USH1G: variants seen among roughly 807,000 people sequenced by gnomAD.
The protein encoded by USH1G is pre-mRNA splicing regulator USH1G.
A neutral mutation model predicts 31.9 loss-of-function variants in USH1G; 27 were observed. The observed-to-expected ratio is 0.85, with a 90% CI of 0.62 to 1.17. The LOEUF (loss-of-function observed/expected upper bound fraction) is 1.17, where lower values mean the gene tolerates loss of function less well. USH1G is among the 50% of genes most tolerant of loss of function. The probability of loss-of-function intolerance (pLI) is 0.00; values close to 1 mark genes in which losing one functional copy is unlikely to be tolerated. For synonymous variants in USH1G, 266 were observed against 283.2 expected (o/e 0.94, Z 0.61); for missense variants, 674 against 638.9 (o/e 1.05, Z -0.59).
In USH1G at chr17:74,923,172, G is replaced by T; in HGVS notation, c.-99C>A. 1.7e-6 allele frequency: 2 copies of T among 1,196,598 alleles called. No individual in the cohort carries two copies. The highest frequency in any genetic ancestry group is 2.2e-6 in the Non-Finnish European group (2 of 904,520). 74.1% of individuals were successfully genotyped at this position (1,196,598 alleles called of 1,614,324 possible). A position where few individuals can be genotyped will look rare whatever the true frequency, so the allele number is the denominator to read the frequency against. On this transcript the variant is annotated 5_prime_UTR_variant, in exon 1 of 3. Transcript: ENST00000614341. The surrounding 1 kb of genome is among the most constrained non-coding windows in gnomAD (Gnocchi z 5.3). The stretch of plus-strand genomic sequence containing the variant: ...GCTGAGGCATGAGGTTGGAGGACGG[G>T]GCCGGGCAGGGGCCGGGGCCGCCAG...
At position 74,919,012 on chromosome 17, in the gene USH1G, C is replaced by T. The variant is rs765544740; in HGVS notation, c.1382+442G>A. On this transcript the variant is annotated intron_variant, in intron 2 of 2. Coordinates refer to ENST00000614341, the MANE Select transcript of USH1G (RefSeq NM_173477.5). The surrounding 1 kb of genome is among the most constrained non-coding windows in gnomAD (Gnocchi z 4.5). ...GTCTGAGCCTCCACTTGCTCATTGG[C>T]TGTAAAATGGGAACGATATAATCCA... 6.6e-6 allele frequency among the ~76,000 whole-genome samples: 1 copy of T among 152,138 alleles called. No homozygotes were observed. The highest frequency in any genetic ancestry group is 1.5e-5 in the Non-Finnish European group (1 of 68,026).
chr17:74,919,776 C>G lies in USH1G; in HGVS notation c.1060G>C (p.Asp354His), dbSNP rs1316299165. The change falls in exon 2 of 3, where the codon GAT becomes CAT. Residue 354 changes from aspartate (D) to histidine (H), a missense_variant. Asp to His is a moderately conservative substitution (Grantham distance 81, BLOSUM62 -1). Coordinates refer to ENST00000614341, the MANE Select transcript of USH1G (RefSeq NM_173477.5). The surrounding 1 kb of genome is among the most constrained non-coding windows in gnomAD (Gnocchi z 4.5). The stretch of plus-strand genomic sequence containing the variant: ...CTGTTGGCACTGCCCAGGCTGTCAT[C>G]GTCCAGGCTGGGGGAGCTCTGCAGC... Reference protein sequence around the residue: ...GRLQSSPSLDDDSLGSANSLQ... With the variant: ...GRLQSSPSLDHDSLGSANSLQ... 5 of 1,612,902 alleles carry G rather than the reference C, an allele frequency of 3.1e-6. No homozygotes were observed. Among genetic ancestry groups the G allele is most frequent in the Non-Finnish European group, 4.2e-6 (5 of 1,179,978 alleles).
chr17:74,920,405 T>G lies in USH1G; in HGVS notation c.431A>C (p.Glu144Ala). The G allele has an allele frequency of 6.2e-7, 1 of 1,613,374 alleles. No individual in the cohort carries two copies. Among genetic ancestry groups the G allele is most frequent in the Non-Finnish European group, 8.5e-7 (1 of 1,180,034 alleles). ...CTTGGCGCACTCGCGGATGCGCCGC[T>G]CCGCCTCGCGGAAGGCCTTGTCCTT... ...KLKDKAFREA[E>A]RRIRECAKLQ... Residue 144 changes from glutamate (E) to alanine (A), a missense_variant, in exon 2 of 3, where the codon GAG (glutamate) becomes GCG (alanine). Transcript: ENST00000614341. This position sits in a 1 kb window ranked among gnomAD's most constrained non-coding sequence, Gnocchi z 5.2.
chr17:74,919,804 A>G lies in USH1G; in HGVS notation c.1032T>C (p.Gly344=). 1 of 1,612,402 alleles carries G rather than the reference A, an allele frequency of 6.2e-7. No individual in the cohort carries two copies. Among genetic ancestry groups the G allele is most frequent in the East Asian group, 2.2e-5 (1 of 44,844 alleles). The change falls in exon 2 of 3, where the codon GGT becomes GGC. Residue 344 remains glycine (G), a synonymous_variant. Coordinates refer to ENST00000614341, the MANE Select transcript of USH1G (RefSeq NM_173477.5). The surrounding 1 kb of genome is among the most constrained non-coding windows in gnomAD (Gnocchi z 4.5). The stretch of plus-strand genomic sequence containing the variant: ...CCAGGCTGGGGGAGCTCTGCAGCCG[A>G]CCCCGCGGCGCTCCCACCCCATCCA... ...GGLDGVGAPR[G]RLQSSPSLDD...
In USH1G at chr17:74,920,571, C is replaced by G. The variant is rs1221545953; in HGVS notation, c.265G>C (p.Ala89Pro). ...HCLSFLVSFGANIWCLDNDYH... is the reference protein window; with the variant it reads ...HCLSFLVSFGPNIWCLDNDYH... ...TCGTTGTCTAGGCACCAGATGTTGG[C>G]TCCGAAGGACACCAGGAAGGACAGG... The change falls in exon 2 of 3, where the codon GCC becomes CCC. Residue 89 changes from alanine (A) to proline (P), a missense_variant. Transcript: ENST00000614341. The surrounding 1 kb of genome is among the most constrained non-coding windows in gnomAD (Gnocchi z 5.2). The G allele has an allele frequency of 6.2e-7, 1 of 1,613,822 alleles. No homozygotes were observed. The highest frequency in any genetic ancestry group is 8.5e-7 in the Non-Finnish European group (1 of 1,180,026).
In USH1G at chr17:74,918,014, C is replaced by T; in HGVS notation, c.*59G>A. On this transcript the variant is annotated 3_prime_UTR_variant, in exon 3 of 3. Coordinates refer to ENST00000614341, the MANE Select transcript of USH1G (RefSeq NM_173477.5). This position sits in a 1 kb window ranked among gnomAD's most constrained non-coding sequence, Gnocchi z 4.1. ...GCTGGCAACTGTGAGGACCTCGAGACCCCACCATAGGTTGTGGCAACTTGC... is the reference window on the plus strand; with the variant it reads ...GCTGGCAACTGTGAGGACCTCGAGATCCCACCATAGGTTGTGGCAACTTGC... The T allele has an allele frequency of 6.2e-7, 1 of 1,612,640 alleles. No homozygotes were observed. Among genetic ancestry groups the T allele is most frequent in the Non-Finnish European group, 8.5e-7 (1 of 1,178,960 alleles).
intron 1 of USH1G, among the ~76,000 whole-genome samples, chr17:74,922,050 C>T (rs2038949377): frequency 6.6e-6 from 1 of 152,222 alleles, no homozygotes; most frequent in South Asian, 2.1e-4. Context: ...CCTGGGGTGT[C>T]CTGTCCAGGC....
At position 74,918,460 on chromosome 17, in the gene USH1G, G is replaced by A. The variant is rs1310571875; in HGVS notation, c.1383-384C>T. The stretch of plus-strand genomic sequence containing the variant: ...CATGAACTCTGCCTCCAGGGCTGCT[G>A]CTGACCCTCTTGGGAGCATTTGCCC... On this transcript the variant is annotated intron_variant, in intron 2 of 2. Coordinates refer to ENST00000614341, the MANE Select transcript of USH1G (RefSeq NM_173477.5). The surrounding 1 kb of genome is among the most constrained non-coding windows in gnomAD (Gnocchi z 4.1). Among the ~76,000 whole-genome samples the A allele has an allele frequency of 6.6e-6, 1 of 152,212 alleles. No individual in the cohort carries two copies. The highest frequency in any genetic ancestry group is 1.5e-5 in the Non-Finnish European group (1 of 68,026).
At position 74,919,395 on chromosome 17, in the gene USH1G, C is replaced by T. The variant is rs1402756088; in HGVS notation, c.1382+59G>A. ...TCCTGAATAGGCAGATCTGTACCCC[C>T]TCCCCAGGGGCCTTCCAACTCCTGC... On this transcript the variant is annotated intron_variant, in intron 2 of 2. Coordinates refer to ENST00000614341, the MANE Select transcript of USH1G (RefSeq NM_173477.5). This position sits in a 1 kb window ranked among gnomAD's most constrained non-coding sequence, Gnocchi z 4.5. 1.4e-5 allele frequency: 22 copies of T among 1,538,766 alleles called. No homozygotes were observed. Among genetic ancestry groups the T allele is most frequent in the Non-Finnish European group, 1.8e-5 (21 of 1,145,908 alleles).
At position 74,917,435 on chromosome 17, in the gene USH1G, AGTACCCCCACCCCACCCCAACCC is replaced by A. The variant is rs1305343161; in HGVS notation, c.*615_*637del. On this transcript the variant is annotated 3_prime_UTR_variant, in exon 3 of 3. Transcript: ENST00000614341. ...CCCTGGATGAGCTGGGAAGGGCGTCAGTACCCCCACCCCACCCCAACCCGGCTTTCCAGCTCCGGGCCTTGACC... is the reference window on the plus strand; with the variant it reads ...CCCTGGATGAGCTGGGAAGGGCGTCAGGCTTTCCAGCTCCGGGCCTTGACC... 6.5e-6 allele frequency: 1 copy of A among 154,706 alleles called. No individual in the cohort carries two copies. The highest frequency in any genetic ancestry group is 1.4e-5 in the Non-Finnish European group (1 of 69,520). The allele number at this position is 154,706 out of a possible 1,614,324, so 9.6% of individuals were successfully genotyped here.
Position 74,919,611 on chromosome 17 carries a change from G to A in USH1G, c.1225C>T (p.Arg409Trp), listed in dbSNP as rs117489945. ...LHMEDFAALL[R>W]QEKIDLEALM... ...GCCTCGAGGTCGATCTTCTCCTGCC[G>A]CAGGAGGGCGGCAAAGTCCTCCATG... The change falls in exon 2 of 3, where the codon CGG becomes TGG. Residue 409 changes from arginine (R) to tryptophan (W), a missense_variant. Physicochemically the swap from Arg to Trp is moderately radical, Grantham distance 101. Transcript: ENST00000614341. The surrounding 1 kb of genome is among the most constrained non-coding windows in gnomAD (Gnocchi z 4.5). 3.7e-6 allele frequency: 6 copies of A among 1,612,798 alleles called. No homozygotes were observed. The South Asian group carries it at 6.6e-5, about 18-fold the overall frequency.
Position 74,922,985 on chromosome 17 carries a change from T to G in USH1G, c.89A>C (p.Glu30Ala). The change falls in exon 1 of 3, where the codon GAG (glutamate) becomes GCG (alanine). Residue 30 changes from glutamate to alanine, a missense_variant. Coordinates refer to ENST00000614341, the MANE Select transcript of USH1G (RefSeq NM_173477.5). The stretch of plus-strand genomic sequence containing the variant: ...CCAGAGAGTGGGGGTCATGCCATCC[T>G]CGTCGGGGGCATTCAGCTCCTTTCG... ...ATRKELNAPD[E>A]DGMTPTLWAA... The G allele has an allele frequency of 3.2e-6, 5 of 1,562,316 alleles. No individual in the cohort carries two copies. Among genetic ancestry groups the G allele is most frequent in the Non-Finnish European group, 3.5e-6 (4 of 1,151,738 alleles).
rs989804696 is a variant in USH1G at position 74,919,523 on chromosome 17, T to A, written c.1313A>T (p.Lys438Met). The A allele has an allele frequency of 6.2e-6, 10 of 1,611,692 alleles. No individual in the cohort carries two copies. Among genetic ancestry groups the A allele is most frequent in the Admixed American group, 5.0e-5 (3 of 59,996 alleles). ...SISVPLGPRK[K>M]ILGAVRRRRQ... ...CCGCCTCCTCACGGCCCCCAAGATC[T>A]TCTTTCGGGGCCCCAGTGGGACGCT... Residue 438 changes from lysine to methionine, a missense_variant, in exon 2 of 3, where the codon AAG becomes ATG. Physicochemically the swap from Lys to Met is moderately conservative, Grantham distance 95. Transcript: ENST00000614341. The surrounding 1 kb of genome is among the most constrained non-coding windows in gnomAD (Gnocchi z 4.5).
rs1024985658 is a variant in USH1G at position 74,918,497 on chromosome 17, T to G, written c.1383-421A>C. Among the ~76,000 whole-genome samples, 2 of 152,100 alleles carry G rather than the reference T, an allele frequency of 1.3e-5. No individual in the cohort carries two copies. Among genetic ancestry groups the G allele is most frequent in the Non-Finnish European group, 2.9e-5 (2 of 68,020 alleles). On this transcript the variant is annotated intron_variant, in intron 2 of 2. Transcript: ENST00000614341. The surrounding 1 kb of genome is among the most constrained non-coding windows in gnomAD (Gnocchi z 4.1). ...GGGAGCATTTGCCCACGTTCCTGAT[T>G]GCAAAGTTCAGGAACAGTAGGTAAA...
Position 74,920,447 on chromosome 17 carries a change from T to G in USH1G, c.389A>C (p.Lys130Thr), listed in dbSNP as rs140951373. Reference protein sequence around the residue: ...IAAKQSSLNPKLVGKLKDKAF... With the variant: ...IAAKQSSLNPTLVGKLKDKAF... ...CTTGTCCTTCAGCTTACCCACCAGC[T>G]TGGGGTTGAGGCTGCTCTGCTTGGC... is the stretch of plus-strand genomic sequence containing the variant. The change falls in exon 2 of 3, where the codon AAG (lysine) becomes ACG (threonine). Residue 130 changes from lysine to threonine, a missense_variant. By Grantham distance (78) the Lys-to-Thr change is moderately conservative (BLOSUM62 -1). Coordinates refer to ENST00000614341, the MANE Select transcript of USH1G (RefSeq NM_173477.5). The surrounding 1 kb of genome is among the most constrained non-coding windows in gnomAD (Gnocchi z 5.2). 15 of 1,613,758 alleles carry G rather than the reference T, an allele frequency of 9.3e-6. No individual in the cohort carries two copies. The East Asian group carries it at 3.3e-4, about 36-fold the overall frequency.
rs913263793 is a variant in USH1G, at chr17:74,921,234, G to A, written c.165-563C>T. Reference sequence around the variant, plus strand: ...CAGGGAGCAGGGCCAGCCCTGGCAAGCCCGAGTGTGAGAGGAGGTGTCGGG... The same window carrying A: ...CAGGGAGCAGGGCCAGCCCTGGCAAACCCGAGTGTGAGAGGAGGTGTCGGG... On this transcript the variant is annotated intron_variant, in intron 1 of 2. Transcript: ENST00000614341. The surrounding 1 kb of genome is among the most constrained non-coding windows in gnomAD (Gnocchi z 4.6). 1.3e-5 allele frequency among the ~76,000 whole-genome samples: 2 copies of A among 152,016 alleles called. No homozygotes were observed. The highest frequency in any genetic ancestry group is 2.9e-5 in the Non-Finnish European group (2 of 67,946).
chr17:74,917,984 G>T lies in USH1G; in HGVS notation c.*89C>A. ...GTCCTTGCTCCTGGGGAAGGGGGCT[G>T]CAGGGCTGGCAACTGTGAGGACCTC... On this transcript the variant is annotated 3_prime_UTR_variant, in exon 3 of 3. Transcript: ENST00000614341. 1 of 1,561,684 alleles carries T rather than the reference G, an allele frequency of 6.4e-7. No individual in the cohort carries two copies. The highest frequency in any genetic ancestry group is 8.8e-7 in the Non-Finnish European group (1 of 1,135,884).
chr17:74,921,339 C>T lies in USH1G; in HGVS notation c.165-668G>A, dbSNP rs549624289. On this transcript the variant is annotated intron_variant, in intron 1 of 2. Coordinates refer to ENST00000614341, the MANE Select transcript of USH1G (RefSeq NM_173477.5). This position sits in a 1 kb window ranked among gnomAD's most constrained non-coding sequence, Gnocchi z 4.6. ...GGAGGGAAATCAGCTGCCCGTGCTC[C>T]GAAGCCCTCCCTTCCCTAGGTTGCC... Among the ~76,000 whole-genome samples the T allele has an allele frequency of 1.9e-4, 29 of 152,146 alleles. No homozygotes were observed. Among genetic ancestry groups the T allele is most frequent in the Admixed American group, 1.5e-3 (23 of 15,310 alleles).
At position 74,917,978 on chromosome 17, in the gene USH1G, G is replaced by C. The variant is rs886053388; in HGVS notation, c.*95C>G. 9 of 1,537,674 alleles carry C rather than the reference G, an allele frequency of 5.9e-6. No homozygotes were observed. Among genetic ancestry groups the C allele is most frequent in the South Asian group, 1.1e-5 (1 of 87,842 alleles). On this transcript the variant is annotated 3_prime_UTR_variant, in exon 3 of 3. Coordinates refer to ENST00000614341, the MANE Select transcript of USH1G (RefSeq NM_173477.5). ...CAACTGGTCCTTGCTCCTGGGGAAG[G>C]GGGCTGCAGGGCTGGCAACTGTGAG...
Sources: gnomAD v4.1 joint callset for allele counts (sites outside exome capture counted in the v4.1 genomes callset) on GRCh38, gnomAD v4.1.1 for gene constraint, Gnocchi (gnomAD v3.1) non-coding constraint, MANE v1.5 for transcripts, NCBI Gene and HGNC (gene_info 2026-07-23, HGNC 2026-07-21) for gene names.